The following LRRC28 variants were observed in gnomAD, a reference collection of about 807,000 sequenced individuals.
LRRC28 encodes the protein leucine-rich repeat-containing protein 28.
Under a neutral mutation model 45.7 loss-of-function variants are expected in LRRC28, and 39 were observed. The ratio of observed to expected loss-of-function variants is 0.85; its 90% CI spans 0.66 to 1.12. The LOEUF is 1.12. Ranked by LOEUF, LRRC28 falls within the 50% of genes most tolerant of loss-of-function variation. LRRC28 has a pLI of 0.00. For synonymous variants in LRRC28, 206 were observed against 178.8 expected (o/e 1.15, Z -1.22); for missense variants, 435 against 438.5 (o/e 0.99, Z 0.07).
intron 5 of LRRC28, among the ~76,000 whole-genome samples, chr15:99,321,508 A>G (rs1955797068): frequency 6.6e-6 from 1 of 152,226 alleles, no homozygotes; most frequent in Non-Finnish European, 1.5e-5. Context: ...AGAGATAATT[A>G]TAAGACATTA....
At chr15:99,256,477 A>G (rs1202938366) in intron 2 of LRRC28, 1 of 159,990 alleles carries the variant, frequency 6.3e-6, no homozygotes, top group Non-Finnish European at 1.4e-5. Flanking sequence ...ATATTACAGC[A>G]TTCACCAGAC....
chr15:99,382,767 A>G (rs550648105), intron 9 of LRRC28, among the ~76,000 whole-genome samples: 23 of 151,590 alleles, frequency 1.5e-4, no homozygotes, highest in Admixed American at 1.1e-3. Flanking sequence ...GAAAAAAACA[A>G]CGTAGATTCT....
At chr15:99,310,052 A>T (rs1955346931) in intron 5 of LRRC28, among the ~76,000 whole-genome samples, 1 of 152,228 alleles carries the variant, frequency 6.6e-6, no homozygotes, top group South Asian at 2.1e-4. Context: ...ATCGTACAGA[A>T]GTCAAAAGTG....
At position 99,322,463 on chromosome 15, in the gene LRRC28, A is replaced by C. The variant is rs563276495; in HGVS notation, c.386-11460A>C. Among the ~76,000 whole-genome samples, 1,144 of 151,528 alleles carry C rather than the reference A, an allele frequency of 7.5e-3. 9 individuals carry two copies. The highest frequency in any genetic ancestry group is 0.013 in the South Asian group (60 of 4,780). On this transcript the variant is annotated intron_variant, in intron 5 of 9. Coordinates refer to ENST00000301981, the MANE Select transcript of LRRC28 (RefSeq NM_144598.5). Reference sequence around the variant, plus strand: ...ATTCAGTATGGATTTTGGAATGTGGACTCTTATGGGGCCCTCACCTACCTT... The same window carrying C: ...ATTCAGTATGGATTTTGGAATGTGGCCTCTTATGGGGCCCTCACCTACCTT...
At chr15:99,335,198 C>T (rs1956283257) in intron 6 of LRRC28, among the ~76,000 whole-genome samples, 2 of 152,040 alleles carry the variant, frequency 1.3e-5, no homozygotes, top group South Asian at 4.1e-4. Context: ...CTGCACTAAC[C>T]CCACAGGTCA....
At chr15:99,320,890 C>T (rs1449460940) in intron 5 of LRRC28, among the ~76,000 whole-genome samples, 11 of 152,272 alleles carry the variant, frequency 7.2e-5, no homozygotes, top group Admixed American at 2.6e-4. Context: ...CTTGAAAATA[C>T]ACTTATTCCA....
rs114608511 is a variant in LRRC28, at chr15:99,334,182, T to C, written c.592+53T>C. The C allele has an allele frequency of 9.8e-5, 157 of 1,594,624 alleles. No individual in the cohort carries two copies. The African/African-American group carries it at 1.9e-3, about 19-fold the overall frequency. ...GCCAAAGAATAAGATGGAAAGCCTT[T>C]GTTTCTTTGACTAGAACCAATTAGT... On this transcript the variant is annotated intron_variant, in intron 6 of 9. Transcript: ENST00000301981.
chr15:99,370,559 T>A (rs1344020325), intron 9 of LRRC28, among the ~76,000 whole-genome samples: 2 of 152,270 alleles, frequency 1.3e-5, no homozygotes, highest in East Asian at 3.9e-4. Context: ...ACTTGGGATA[T>A]AATTTTACAA....
intron 3 of LRRC28, chr15:99,284,743 G>T (rs2081910654): frequency 1.1e-5 from 6 of 523,478 alleles, no homozygotes; most frequent in Admixed American, 1.9e-5. Flanking sequence ...TGCCACCATT[G>T]TCCTCCCTTC....
chr15:99,334,049 A>G lies in LRRC28; in HGVS notation c.512A>G (p.Tyr171Cys), dbSNP rs746459904. The G allele has an allele frequency of 1.2e-6, 2 of 1,614,142 alleles. No homozygotes were observed. The highest frequency in any genetic ancestry group is 4.5e-5 in the East Asian group (2 of 44,884). ...ACTGTGGACCGAAATCGTCTATGGTATGTGCCGCGCCATCTCTGCCAGCTG... is the reference window on the plus strand; with the variant it reads ...ACTGTGGACCGAAATCGTCTATGGTGTGTGCCGCGCCATCTCTGCCAGCTG... ...YLTVDRNRLWYVPRHLCQLPS... is the reference protein window; with the variant it reads ...YLTVDRNRLWCVPRHLCQLPS... The change falls in exon 6 of 10, where the codon TAT (tyrosine) becomes TGT (cysteine). Residue 171 changes from tyrosine (Y) to cysteine (C), a missense_variant. Physicochemically the swap from Tyr to Cys is radical, Grantham distance 194. Coordinates refer to ENST00000301981, the MANE Select transcript of LRRC28 (RefSeq NM_144598.5).
chr15:99,263,160 A>C (rs1377100825), intron 2 of LRRC28, among the ~76,000 whole-genome samples: 1 of 150,884 alleles, frequency 6.6e-6, no homozygotes, highest in East Asian at 2.0e-4. Flanking sequence ...AATACAAAAA[A>C]AAAAAAAAAT....
At chr15:99,329,667 C>T (rs1206281532) in intron 5 of LRRC28, among the ~76,000 whole-genome samples, 1 of 152,152 alleles carries the variant, frequency 6.6e-6, no homozygotes, top group African/African-American at 2.4e-5. Context: ...TGTACATCTG[C>T]ATATGTGAAA....
At chr15:99,303,803 C>T (rs1457515088) in intron 5 of LRRC28, among the ~76,000 whole-genome samples, 1 of 151,384 alleles carries the variant, frequency 6.6e-6, no homozygotes, top group Non-Finnish European at 1.5e-5. Flanking sequence ...TATTGCACTC[C>T]AGCCTGGGGG....
At chr15:99,283,514 G>A (rs1486838196) in intron 3 of LRRC28, among the ~76,000 whole-genome samples, 1 of 150,892 alleles carries the variant, frequency 6.6e-6, no homozygotes, top group Non-Finnish European at 1.5e-5. Flanking sequence ...TACTCAGGAG[G>A]CTGAGGCAGG....
chr15:99,318,377 T>TCTTGTTCTG (rs1280455475), intron 5 of LRRC28, among the ~76,000 whole-genome samples: 2 of 152,124 alleles, frequency 1.3e-5, no homozygotes, highest in African/African-American at 4.8e-5. Flanking sequence ...TTGTTGTGTT[T>TCTTGTTCTG]CTTGTTCTGA....
intron 2 of LRRC28, chr15:99,260,013 A>G (rs11547722): frequency 5.0e-6 from 3 of 599,422 alleles, no homozygotes; most frequent in Non-Finnish European, 6.2e-6. Flanking sequence ...GAAAAAGATG[A>G]ATTGTAAATT....
At chr15:99,269,871 A>G (rs1390130776) in intron 2 of LRRC28, among the ~76,000 whole-genome samples, 1 of 152,336 alleles carries the variant, frequency 6.6e-6, no homozygotes, top group Admixed American at 6.5e-5. Flanking sequence ...AGTAATTATT[A>G]TGAAGTGAGT....
chr15:99,303,153 A>G (rs985348389), intron 5 of LRRC28, among the ~76,000 whole-genome samples: 3 of 152,178 alleles, frequency 2.0e-5, no homozygotes, highest in African/African-American at 7.2e-5. Context: ...AGCATTTGGT[A>G]TCTTCAGTCT....
At chr15:99,334,357 G>A (rs1010836196) in intron 6 of LRRC28, among the ~76,000 whole-genome samples, 7 of 151,694 alleles carry the variant, frequency 4.6e-5, no homozygotes, top group East Asian at 1.9e-4. Context: ...ACTGTGTTTA[G>A]GGATAAAATA....
Sources: allele counts gnomAD v4.1 joint callset (sites outside exome capture counted in the v4.1 genomes callset), GRCh38; gene constraint gnomAD v4.1.1; transcripts MANE v1.5; gene names NCBI Gene and HGNC (gene_info 2026-07-23, HGNC 2026-07-21).